The following VAPB variants were observed in gnomAD, a reference collection of about 807,000 sequenced individuals.
VAPB encodes VAMP associated protein B and C, also known as vesicle-associated membrane protein-associated protein B/C.
In VAPB, 7 loss-of-function variants were observed where a neutral mutation model predicts 25.6. That is an observed-to-expected ratio of 0.27 (90% CI 0.16 to 0.51). The LOEUF (loss-of-function observed/expected upper bound fraction) is 0.51, where lower values mean the gene tolerates loss of function less well. Among genes scored for constraint, VAPB ranks in the 20% least tolerant of loss-of-function variants. The pLI, the probability that VAPB is intolerant of heterozygous loss-of-function variation, is 0.97. For synonymous variants in VAPB, 112 were observed against 109.2 expected (o/e 1.03, Z -0.16); for missense variants, 266 against 301.3 (o/e 0.88, Z 0.87).
At chr20:58,414,558 G>A (rs556456826) in intron 1 of VAPB, among the ~76,000 whole-genome samples, 5 of 151,556 alleles carry the variant, frequency 3.3e-5, no homozygotes, top group African/African-American at 4.8e-5. Flanking sequence ...GGTCGTGGCC[G>A]GGCAGAGGCG....
At chr20:58,403,143 A>G (rs1325435760) in intron 1 of VAPB, among the ~76,000 whole-genome samples, 2 of 152,178 alleles carry the variant, frequency 1.3e-5, no homozygotes, top group Non-Finnish European at 2.9e-5. Context: ...CTCAGAAAAT[A>G]TTTGAAGATT....
chr20:58,445,875 C>A lies in VAPB; in HGVS notation c.*1640C>A. 2.2e-6 allele frequency: 1 copy of A among 453,958 alleles called. No homozygotes were observed. Among genetic ancestry groups the A allele is most frequent in the Non-Finnish European group, 4.4e-6 (1 of 226,756 alleles). 28.1% of individuals were successfully genotyped at this position (453,958 alleles called of 1,614,324 possible). A position where few individuals can be genotyped will look rare whatever the true frequency, so the allele number is the denominator to read the frequency against. On this transcript the variant is annotated 3_prime_UTR_variant, in exon 6 of 6. Coordinates refer to ENST00000475243, the MANE Select transcript of VAPB (RefSeq NM_004738.5). The stretch of plus-strand genomic sequence containing the variant: ...GGAACCATGCCATTGAGACTAGTAA[C>A]GGGCGTTCTGGGCACAGTCCCACTG...
rs1256379208 is a variant in VAPB, at chr20:58,389,435, C to T, written c.-25C>T. Reference sequence around the variant, plus strand: ...GGTGACCTCTCAGGGGTCTCCCCGCCAAAGGTGCTCCGCCGCTAAGGAACA... The same window carrying T: ...GGTGACCTCTCAGGGGTCTCCCCGCTAAAGGTGCTCCGCCGCTAAGGAACA... On this transcript the variant is annotated 5_prime_UTR_variant, in exon 1 of 6. Coordinates refer to ENST00000475243, the MANE Select transcript of VAPB (RefSeq NM_004738.5). The T allele has an allele frequency of 1.3e-6, 2 of 1,583,608 alleles. No individual in the cohort carries two copies. Among genetic ancestry groups the T allele is most frequent in the Non-Finnish European group, 1.7e-6 (2 of 1,165,376 alleles).
chr20:58,429,191 C>T (rs1371294323), intron 2 of VAPB, among the ~76,000 whole-genome samples: 1 of 151,976 alleles, frequency 6.6e-6, no homozygotes, highest in Non-Finnish European at 1.5e-5. Context: ...AAAAACCTCC[C>T]ATAACTACCC....
In VAPB at chr20:58,445,939, C is replaced by G. The variant is rs1370076342; in HGVS notation, c.*1704C>G. ...GAGGACAAGTTCATCAGAAGGAAGGCAGTCCTTAGAAGTCACATACGTTGA... is the reference window on the plus strand; with the variant it reads ...GAGGACAAGTTCATCAGAAGGAAGGGAGTCCTTAGAAGTCACATACGTTGA... On this transcript the variant is annotated 3_prime_UTR_variant, in exon 6 of 6. Coordinates refer to ENST00000475243, the MANE Select transcript of VAPB (RefSeq NM_004738.5). 6.6e-6 allele frequency: 3 copies of G among 453,920 alleles called. No individual in the cohort carries two copies. Among genetic ancestry groups the G allele is most frequent in the African/African-American group, 6.0e-5 (3 of 49,970 alleles). The allele number at this position is 453,920 out of a possible 1,614,324, so 28.1% of individuals were successfully genotyped here.
chr20:58,398,119 ATAC>A (rs1477622593), intron 1 of VAPB, among the ~76,000 whole-genome samples: 5 of 152,268 alleles, frequency 3.3e-5, no homozygotes, highest in African/African-American at 9.6e-5. Context: ...TACCTTAAAC[ATAC>A]TCAGAACCCT....
rs187678663 is a variant in VAPB at position 58,448,885 on chromosome 20, G to C, written c.*4650G>C. On this transcript the variant is annotated 3_prime_UTR_variant, in exon 6 of 6. Coordinates refer to ENST00000475243, the MANE Select transcript of VAPB (RefSeq NM_004738.5). ...AGAAAGAATATTGCCAGTCCGTCTC[G>C]GCAAGGAGATGATGGGAGCGCTTTA... 1 of 454,024 alleles carries C rather than the reference G, an allele frequency of 2.2e-6. No individual in the cohort carries two copies. Among genetic ancestry groups the C allele is most frequent in the Non-Finnish European group, 4.4e-6 (1 of 226,788 alleles). 28.1% of individuals were successfully genotyped at this position (454,024 alleles called of 1,614,324 possible). A position where few individuals can be genotyped will look rare whatever the true frequency, so the allele number is the denominator to read the frequency against.
At chr20:58,420,879 C>T (rs1988652027) in intron 2 of VAPB, among the ~76,000 whole-genome samples, 1 of 152,210 alleles carries the variant, frequency 6.6e-6, no homozygotes, top group Non-Finnish European at 1.5e-5. Context: ...ATTTATTAGA[C>T]ATGCATAGCT....
rs577527688 is a variant in VAPB at position 58,407,854 on chromosome 20, TGTAA to T, written c.59-10351_59-10348del. ...CTTCATGAGATTTTAGAATTTTTATTGTAAGTAAGAGAATTCTTTATATATTTTC... is the reference window on the plus strand; with the variant it reads ...CTTCATGAGATTTTAGAATTTTTATTGTAAGAGAATTCTTTATATATTTTC... On this transcript the variant is annotated intron_variant, in intron 1 of 5. Transcript: ENST00000475243. Among the ~76,000 whole-genome samples, 622 of 152,342 alleles carry T rather than the reference TGTAA, an allele frequency of 4.1e-3. 2 individuals are homozygous for T. Among genetic ancestry groups the T allele is most frequent in the Non-Finnish European group, 7.1e-3 (485 of 68,032 alleles).
chr20:58,389,623 G>C, intron 1 of VAPB, 106 bp downstream of exon 1: 6 of 1,242,400 alleles, frequency 4.8e-6, no homozygotes, highest in Non-Finnish European at 6.4e-6. Flanking sequence ...CCACCCCGAC[G>C]GCGCTGTCGC....
chr20:58,426,259 G>A (rs888172162), intron 2 of VAPB, among the ~76,000 whole-genome samples: 6 of 152,200 alleles, frequency 3.9e-5, no homozygotes, highest in South Asian at 2.1e-4. Context: ...AGTGCATGCC[G>A]CTCTCATAGC....
In VAPB at chr20:58,449,166, C is replaced by T. The variant is rs1323877209; in HGVS notation, c.*4931C>T. Reference sequence around the variant, plus strand: ...GGTCTGCCCCCAGCTTCACAGACCTCTTCCTCCAGCCTCTGAATCCCATTA... The same window carrying T: ...GGTCTGCCCCCAGCTTCACAGACCTTTTCCTCCAGCCTCTGAATCCCATTA... On this transcript the variant is annotated 3_prime_UTR_variant, in exon 6 of 6. Transcript: ENST00000475243. 2.2e-6 allele frequency: 1 copy of T among 454,136 alleles called. No homozygotes were observed. Among genetic ancestry groups the T allele is most frequent in the Non-Finnish European group, 4.4e-6 (1 of 226,798 alleles). The allele number at this position is 454,136 out of a possible 1,614,324, so 28.1% of individuals were successfully genotyped here. A position where few individuals can be genotyped will look rare whatever the true frequency, so the allele number is the denominator to read the frequency against.
chr20:58,424,490 G>A (rs1014032830), intron 2 of VAPB, among the ~76,000 whole-genome samples: 1 of 152,060 alleles, frequency 6.6e-6, no homozygotes, highest in African/African-American at 2.4e-5. Flanking sequence ...TAGGTGATCA[G>A]CCCCAAGAGA....
rs1185320633 is a variant in VAPB, at chr20:58,434,785, A to G, written c.315+80A>G. 61 of 747,172 alleles carry G rather than the reference A, an allele frequency of 8.2e-5. 1 individual carries two copies. Among genetic ancestry groups the G allele is most frequent in the Admixed American group, 5.4e-4 (28 of 52,308 alleles). 46.3% of individuals were successfully genotyped at this position (747,172 alleles called of 1,614,324 possible). ...TAGATATGGAATTGTGGGTGCATGC[A>G]TTTCAAAATATGTCAAAATTATTTA... is the stretch of plus-strand genomic sequence containing the variant. On this transcript the variant is annotated intron_variant, in intron 3 of 5. Transcript: ENST00000475243.
At chr20:58,389,637 GGGC>G in intron 1 of VAPB, 120 bp downstream of exon 1, 3 of 1,116,138 alleles carry the variant, frequency 2.7e-6, no homozygotes, top group Non-Finnish European at 3.6e-6. Context: ...CTGTCGCGGG[GGGC>G]GGCGAGGCCG....
rs1321487986 is a variant in VAPB, at chr20:58,448,660, A to G, written c.*4425A>G. 1 of 453,972 alleles carries G rather than the reference A, an allele frequency of 2.2e-6. No individual in the cohort carries two copies. Among genetic ancestry groups the G allele is most frequent in the Non-Finnish European group, 4.4e-6 (1 of 226,696 alleles). 28.1% of individuals were successfully genotyped at this position (453,972 alleles called of 1,614,324 possible). A position where few individuals can be genotyped will look rare whatever the true frequency, so the allele number is the denominator to read the frequency against. On this transcript the variant is annotated 3_prime_UTR_variant, in exon 6 of 6. Transcript: ENST00000475243. ...TGCCTCAGCTACTCTGCCCGTCTGT[A>G]CATCTTTTGTGTCTGCCTCCGTACC...
At chr20:58,430,346 C>A (rs1988900129) in intron 2 of VAPB, among the ~76,000 whole-genome samples, 1 of 151,650 alleles carries the variant, frequency 6.6e-6, no homozygotes, top group Admixed American at 6.6e-5. Context: ...AGTGAGACTC[C>A]ATCCTCCCAG....
chr20:58,436,313 T>TTG lies in VAPB; in HGVS notation c.315+1612_315+1613dup, dbSNP rs1294447737. Among the ~76,000 whole-genome samples, 17 of 151,740 alleles carry TTG rather than the reference T, an allele frequency of 1.1e-4. No individual in the cohort carries two copies. The South Asian group carries it at 2.1e-3, about 19-fold the overall frequency. On this transcript the variant is annotated intron_variant, in intron 3 of 5. Transcript: ENST00000475243. Reference sequence around the variant, plus strand: ...CCATCATTAATGAGAAATGAGAGCTTTGTGTTTTTCTTCCTTTTTTTTTTT... The same window carrying TTG: ...CCATCATTAATGAGAAATGAGAGCTTTGTGTGTTTTTCTTCCTTTTTTTTTTT...
In VAPB at chr20:58,444,049, T is replaced by G. The variant is rs762800548; in HGVS notation, c.574-28T>G. ...CTCCCCTTTCTGGTGCCTTGGCTTGTCTTTGAAATGTGCGTTTGCTCCCGT... is the reference window on the plus strand; with the variant it reads ...CTCCCCTTTCTGGTGCCTTGGCTTGGCTTTGAAATGTGCGTTTGCTCCCGT... On this transcript the variant is annotated intron_variant, in intron 5 of 5. Coordinates refer to ENST00000475243, the MANE Select transcript of VAPB (RefSeq NM_004738.5). 2.5e-6 allele frequency: 4 copies of G among 1,614,056 alleles called. No homozygotes were observed. The African/African-American group carries it at 5.3e-5, about 22-fold the overall frequency.
Sources: allele counts gnomAD v4.1 joint callset (sites outside exome capture counted in the v4.1 genomes callset), GRCh38; gene constraint gnomAD v4.1.1; transcripts MANE v1.5; gene names NCBI Gene and HGNC (gene_info 2026-07-23, HGNC 2026-07-21).